Variants in SLC24A2 observed in about 807,000 individuals in gnomAD.
SLC24A2 encodes sodium/potassium/calcium exchanger 2.
A neutral mutation model predicts 62.0 loss-of-function variants in SLC24A2; 36 were observed. The ratio of observed to expected loss-of-function variants is 0.58; its 90% CI spans 0.44 to 0.77. The LOEUF (loss-of-function observed/expected upper bound fraction) is 0.77, where lower values mean the gene tolerates loss of function less well. Among genes scored for constraint, SLC24A2 ranks in the 30% least tolerant of loss-of-function variants. The pLI, the probability that SLC24A2 is intolerant of heterozygous loss-of-function variation, is 0.00. For synonymous variants in SLC24A2, 358 were observed against 294.0 expected (o/e 1.22, Z -2.23); for missense variants, 846 against 817.9 (o/e 1.03, Z -0.42).
chr9:19,924,711 T>G, the SLC24A2 span, among the ~76,000 whole-genome samples: 1 of 152,056 alleles, frequency 6.6e-6, no homozygotes, highest in Non-Finnish European at 1.5e-5. Context: ...CCAGGGTGAA[T>G]AAAGGAGGAG....
the SLC24A2 span, among the ~76,000 whole-genome samples, chr9:19,994,196 G>A: frequency 6.6e-6 from 1 of 152,116 alleles, no homozygotes; most frequent in Non-Finnish European, 1.5e-5. Flanking sequence ...TCCTTCGTCA[G>A]GGAAAGACAC....
the SLC24A2 span, among the ~76,000 whole-genome samples, chr9:20,258,815 C>CTATCTAT: frequency 1.0e-3 from 121 of 121,180 alleles, no homozygotes; most frequent in South Asian, 5.0e-3. Context: ...TATCTATCTA[C>CTATCTAT]CTTATCTATC....
At chr9:19,779,850 G>A (rs1216804384) in intron 2 of SLC24A2, among the ~76,000 whole-genome samples, 3 of 152,130 alleles carry the variant, frequency 2.0e-5, no homozygotes, top group East Asian at 1.9e-4. Flanking sequence ...ATGAGGTCAG[G>A]AGATGGAGAC....
intron 8 of SLC24A2, among the ~76,000 whole-genome samples, chr9:19,531,138 G>C (rs1286314921): frequency 2.6e-5 from 4 of 152,134 alleles, no homozygotes; most frequent in African/African-American, 9.7e-5. Flanking sequence ...TCCTGCTTTG[G>C]AAGTATCAAC....
the SLC24A2 span, among the ~76,000 whole-genome samples, chr9:20,062,046 G>A: frequency 1.3e-5 from 2 of 152,040 alleles, no homozygotes; most frequent in Admixed American, 6.6e-5. Flanking sequence ...CACCAGCCTG[G>A]GAAACACAGC....
In SLC24A2 at chr9:19,632,429, T is replaced by C. The variant is rs1203462367; in HGVS notation, c.931-10130A>G. On this transcript the variant is annotated intron_variant, in intron 2 of 10. Transcript: ENST00000341998. The surrounding 1 kb of genome is among the most constrained non-coding windows in gnomAD (Gnocchi z 4.5). ...TGCAGGGATAAAACAGTGACCAAAA[T>C]AGCCCAAATCCTTGCTTTCACGGAG... Among the ~76,000 whole-genome samples, 4 of 152,184 alleles carry C rather than the reference T, an allele frequency of 2.6e-5. No homozygotes were observed. The highest frequency in any genetic ancestry group is 4.4e-5 in the Non-Finnish European group (3 of 68,024).
chr9:20,064,335 T>C, the SLC24A2 span, among the ~76,000 whole-genome samples: 8 of 152,206 alleles, frequency 5.3e-5, no homozygotes, highest in Non-Finnish European at 1.0e-4. Context: ...GGGTATTCAT[T>C]GCAAACAGAT....
At chr9:19,974,308 C>T in the SLC24A2 span, among the ~76,000 whole-genome samples, 1 of 151,896 alleles carries the variant, frequency 6.6e-6, no homozygotes, top group African/African-American at 2.4e-5. Flanking sequence ...GTCCTGAAAC[C>T]CTATAGTGAA....
At chr9:20,286,657 G>C in the SLC24A2 span, among the ~76,000 whole-genome samples, 3 of 152,240 alleles carry the variant, frequency 2.0e-5, no homozygotes, top group South Asian at 2.1e-4. Flanking sequence ...GGCAACAGCA[G>C]TGTTTGCCAC....
At chr9:19,695,944 C>A (rs1820178626) in intron 2 of SLC24A2, among the ~76,000 whole-genome samples, 1 of 152,112 alleles carries the variant, frequency 6.6e-6, no homozygotes, top group Admixed American at 6.5e-5. Context: ...TTTACTATAT[C>A]TACTTTAAGG....
chr9:20,071,439 G>C, the SLC24A2 span, among the ~76,000 whole-genome samples: 2 of 152,180 alleles, frequency 1.3e-5, no homozygotes, highest in Non-Finnish European at 2.9e-5. Flanking sequence ...GCAATGGTGA[G>C]ACTTTGAGCT....
chr9:20,224,802 G>C, the SLC24A2 span, among the ~76,000 whole-genome samples: 8 of 152,074 alleles, frequency 5.3e-5, no homozygotes, highest in African/African-American at 1.9e-4. Flanking sequence ...TTTTCGTGGG[G>C]CTAATGGATT....
chr9:20,209,725 G>A, the SLC24A2 span, among the ~76,000 whole-genome samples: 69,142 of 151,956 alleles, frequency 0.46, 17,886 homozygotes, highest in Non-Finnish European at 0.6. Context: ...ATATTTTTCC[G>A]ACCACAAACC....
At chr9:20,212,829 G>A in the SLC24A2 span, among the ~76,000 whole-genome samples, 1 of 151,618 alleles carries the variant, frequency 6.6e-6, no homozygotes, top group African/African-American at 2.4e-5. Context: ...TATGTATACT[G>A]AAATACAAAT....
intron 8 of SLC24A2, among the ~76,000 whole-genome samples, chr9:19,535,639 G>T (rs574229800): frequency 6.6e-6 from 1 of 152,120 alleles, no homozygotes; most frequent in Non-Finnish European, 1.5e-5. Context: ...TTTTTGTCAG[G>T]TTTGTCAAAG....
At chr9:19,548,439 C>T (rs1290101545) in intron 8 of SLC24A2, among the ~76,000 whole-genome samples, 1 of 152,140 alleles carries the variant, frequency 6.6e-6, no homozygotes, top group Non-Finnish European at 1.5e-5. Context: ...CAACAATATA[C>T]ATATTCCTAC....
the SLC24A2 span, among the ~76,000 whole-genome samples, chr9:20,094,856 T>A: frequency 6.7e-3 from 1,019 of 152,292 alleles, 11 homozygotes; most frequent in African/African-American, 0.02. Flanking sequence ...AGTGGATTTT[T>A]CTGCAACTAA....
the SLC24A2 span, among the ~76,000 whole-genome samples, chr9:20,018,457 T>C: frequency 6.6e-6 from 1 of 152,156 alleles, no homozygotes; most frequent in Non-Finnish European, 1.5e-5. Context: ...TAGGTGGAGA[T>C]TACAGGTGAT....
At chr9:20,224,228 A>T in the SLC24A2 span, among the ~76,000 whole-genome samples, 2 of 152,054 alleles carry the variant, frequency 1.3e-5, no homozygotes, top group Non-Finnish European at 2.9e-5. Context: ...TATGACAAAT[A>T]AGAATTTAAA....
Sources: gnomAD v4.1 joint callset for allele counts (sites outside exome capture counted in the v4.1 genomes callset) on GRCh38, gnomAD v4.1.1 for gene constraint, Gnocchi (gnomAD v3.1) non-coding constraint, MANE v1.5 for transcripts, NCBI Gene and HGNC (gene_info 2026-07-23, HGNC 2026-07-21) for gene names.